DIDO1: variants seen among roughly 807,000 people sequenced by gnomAD.
DIDO1 encodes the protein death inducer-obliterator 1.
DIDO1 carries 16 observed loss-of-function variants against 99.4 expected under a neutral mutation model. That is an observed-to-expected ratio of 0.16 (90% confidence interval 0.11 to 0.24). The LOEUF is 0.24. Ranked by LOEUF, DIDO1 falls within the 10% of genes least tolerant of loss-of-function variation. The pLI is 1.00. For missense variants in DIDO1, 2,996 were observed against 3,014.0 expected, an observed-to-expected ratio of 0.99 and a Z score of 0.14; for synonymous variants, 1,366 against 1,239.1, an observed-to-expected ratio of 1.10 and a Z score of -2.15.
At chr20:62,905,640 G>C in intron 6 of DIDO1, 2 of 1,563,666 alleles carry the variant, frequency 1.3e-6, no homozygotes, top group Non-Finnish European at 1.7e-6. Context: ...CAATCATTAA[G>C]GTGAACGTTC....
In DIDO1 at chr20:62,894,494, C is replaced by T. The variant is rs145011514; in HGVS notation, c.2491G>A (p.Asp831Asn). The T allele has an allele frequency of 1.2e-5, 19 of 1,613,142 alleles. No homozygotes were observed. The highest frequency in any genetic ancestry group is 6.7e-5 in the African/African-American group (5 of 74,858). ...VPEKSTAPLL[D>N]VFSSMLKDTT... ...TCTTTCAACATGCTGCTGAAGACGT[C>T]GAGAAGCGGCGCTGTGCTCTTCTCA... The change falls in exon 11 of 16, where the codon GAC (aspartate) becomes AAC (asparagine). Residue 831 changes from aspartate to asparagine, a missense_variant. Coordinates refer to ENST00000395343, the MANE Select transcript of DIDO1 (RefSeq NM_001193369.2). This position sits in a 1 kb window ranked among gnomAD's most constrained non-coding sequence, Gnocchi z 4.4.
At chr20:62,901,130 G>A (rs538405061) in intron 6 of DIDO1, among the ~76,000 whole-genome samples, 2 of 152,322 alleles carry the variant, frequency 1.3e-5, no homozygotes, top group East Asian at 3.9e-4. Context: ...TCATGTTGCG[G>A]GGAAACAGTT....
intron 15 of DIDO1, chr20:62,887,622 G>C: frequency 1.0e-6 from 1 of 985,574 alleles, no homozygotes; most frequent in Non-Finnish European, 1.2e-6. Flanking sequence ...GCTTCACGCG[G>C]AAATGACGGG....
intron 14 of DIDO1, 59 bp from the exon 15 acceptor site, chr20:62,891,214 C>A: frequency 6.2e-7 from 1 of 1,606,128 alleles, no homozygotes; most frequent in Non-Finnish European, 8.5e-7. Flanking sequence ...ATCACACGCC[C>A]AATTCACATC....
At chr20:62,929,693 G>GTATATATATATATATATATACATATA (rs565069048), upstream of DIDO1, among the ~76,000 whole-genome samples, 1 of 97,968 alleles carries the variant, frequency 1.0e-5, no homozygotes, top group Non-Finnish European at 1.9e-5. Flanking sequence ...AAAAGAAAAA[G>GTATATATATATATATATATACATATA]TGTATATATA....
chr20:62,906,466 G>A (rs1234746684), intron 5 of DIDO1, among the ~76,000 whole-genome samples: 4 of 152,368 alleles, frequency 2.6e-5, no homozygotes, highest in South Asian at 4.1e-4. Context: ...TGAGCCAAAT[G>A]AGAGGAAAGG....
At chr20:62,888,636 A>G (rs3746766) in intron 15 of DIDO1, 355,553 of 985,414 alleles carry the variant, frequency 0.36, 67,394 homozygotes, top group African/African-American at 0.68. Flanking sequence ...CAGGGGAAAC[A>G]TGCCAGGACC....
chr20:62,931,983 C>CAAG (rs2065336437), intron 1 of DIDO1, among the ~76,000 whole-genome samples: 1 of 151,592 alleles, frequency 6.6e-6, no homozygotes, highest in Non-Finnish European at 1.5e-5. Flanking sequence ...GAGGAAATAC[C>CAAG]AACAACAACA....
chr20:62,896,353 T>G lies in DIDO1; in HGVS notation c.2094A>C (p.Glu698Asp). The G allele has an allele frequency of 6.2e-7, 1 of 1,614,166 alleles. No homozygotes were observed. The highest frequency in any genetic ancestry group is 8.5e-7 in the Non-Finnish European group (1 of 1,180,028). ...DSDDLIMTENEVGKIALHIEK... is the reference protein window; with the variant it reads ...DSDDLIMTENDVGKIALHIEK... The stretch of plus-strand genomic sequence containing the variant: ...CAATATGGAGGGCAATTTTTCCTAC[T>G]TCGTTTTCTGTCATGATTAAGTCAT... The change falls in exon 8 of 16, where the codon GAA becomes GAC. Residue 698 changes from glutamate (E) to aspartate (D), a missense_variant. By Grantham distance (45) the Glu-to-Asp change is conservative. This residue lies in a region of DIDO1 where 898 missense variants were observed against 972.7 expected (regional missense o/e 0.92). Coordinates refer to ENST00000395343, the MANE Select transcript of DIDO1 (RefSeq NM_001193369.2). The surrounding 1 kb of genome is among the most constrained non-coding windows in gnomAD (Gnocchi z 4.4).
Position 62,892,789 on chromosome 20 carries a change from C to A in DIDO1, c.3255+20G>T, listed in dbSNP as rs376588266. The A allele has an allele frequency of 2.5e-6, 4 of 1,601,414 alleles. No individual in the cohort carries two copies. Among genetic ancestry groups the A allele is most frequent in the Non-Finnish European group, 2.6e-6 (3 of 1,170,826 alleles). On this transcript the variant is annotated intron_variant, in intron 13 of 15. Coordinates refer to ENST00000395343, the MANE Select transcript of DIDO1 (RefSeq NM_001193369.2). ...CCTATGAAAGACACACACACGCACA[C>A]ACATTTTCTTGGTTCTAACCTCACT...
intron 1 of DIDO1, among the ~76,000 whole-genome samples, chr20:62,916,239 A>T (rs1252673640): frequency 2.6e-5 from 4 of 152,240 alleles, no homozygotes; most frequent in African/African-American, 9.6e-5. Flanking sequence ...AAATGTGGGT[A>T]TCCTTGAAGC....
intron 15 of DIDO1, 141 bp from the exon 16 acceptor site, chr20:62,882,555 C>CA (rs1009376146): frequency 1.0e-5 from 9 of 875,542 alleles, no homozygotes; most frequent in Non-Finnish European, 1.5e-5. Context: ...GATCAAGTGT[C>CA]AAGACAGTTG....
intron 1 of DIDO1, among the ~76,000 whole-genome samples, chr20:62,919,278 T>C (rs6089813): frequency 0.23 from 34,872 of 152,138 alleles, 4,278 homozygotes; most frequent in East Asian, 0.34. Context: ...CCGGGTGCGG[T>C]GGCTCATGCC....
In DIDO1 at chr20:62,894,162, G is replaced by A; in HGVS notation, c.2605C>T (p.Pro869Ser). The A allele has an allele frequency of 3.7e-6, 6 of 1,613,818 alleles. No individual in the cohort carries two copies. In the South Asian group the frequency reaches 4.4e-5, roughly 12 times the overall value. The change falls in exon 12 of 16, where the codon CCG becomes TCG. Residue 869 changes from proline (P) to serine (S), a missense_variant. Physicochemically the swap from Pro to Ser is moderately conservative, Grantham distance 74. Transcript: ENST00000395343. This position sits in a 1 kb window ranked among gnomAD's most constrained non-coding sequence, Gnocchi z 4.4. ...QVPSAEDEPA[P>S]KKQKLSASVK... The stretch of plus-strand genomic sequence containing the variant: ...GAAGCTGACAATTTTTGTTTTTTCG[G>A]AGCTGGCTCATCTTCTGCGGAGGGA...
At chr20:62,889,237 C>T (rs2064350445) in intron 15 of DIDO1, 3 of 985,474 alleles carry the variant, frequency 3.0e-6, no homozygotes, top group Admixed American at 6.1e-5. Flanking sequence ...CCCGGGGCTG[C>T]ACCTGCACAG....
At chr20:62,890,138 C>G (rs1393763028) in intron 15 of DIDO1, 7 of 985,856 alleles carry the variant, frequency 7.1e-6, no homozygotes, top group Non-Finnish European at 1.2e-6. Context: ...GTCCAGACAG[C>G]ACCTGCCTTT....
intron 6 of DIDO1, among the ~76,000 whole-genome samples, chr20:62,897,504 A>T (rs1389302112): frequency 2.0e-5 from 3 of 152,196 alleles, no homozygotes; most frequent in East Asian, 3.8e-4. Context: ...ATTGGAGGCG[A>T]TGCCATTAAT....
intron 1 of DIDO1, among the ~76,000 whole-genome samples, chr20:62,915,278 G>T (rs1235895725): frequency 6.6e-6 from 1 of 152,138 alleles, no homozygotes; most frequent in East Asian, 1.9e-4. Context: ...CCCAGGCAAC[G>T]TGTCACCATG....
At position 62,878,328 on chromosome 20, in the gene DIDO1, C is replaced by A. The variant is rs1422049727; in HGVS notation, c.*905G>T. On this transcript the variant is annotated 3_prime_UTR_variant, in exon 16 of 16. Coordinates refer to ENST00000395343, the MANE Select transcript of DIDO1 (RefSeq NM_001193369.2). ...GTTCTTGAGCTAGTGATCACTAGTT[C>A]CCGTCTCAGACTTTACACAAGTCTT... 6.6e-6 allele frequency: 1 copy of A among 152,184 alleles called. No homozygotes were observed. Among genetic ancestry groups the A allele is most frequent in the Non-Finnish European group, 1.5e-5 (1 of 68,046 alleles). 9.4% of individuals were successfully genotyped at this position (152,184 alleles called of 1,614,324 possible). A position where few individuals can be genotyped will look rare whatever the true frequency, so the allele number is the denominator to read the frequency against.
Sources: allele counts gnomAD v4.1 joint callset (sites outside exome capture counted in the v4.1 genomes callset), GRCh38; gene constraint gnomAD v4.1.1; regional missense constraint gnomAD v4.1.1; non-coding constraint Gnocchi (gnomAD v3.1); transcripts MANE v1.5; gene names NCBI Gene and HGNC (gene_info 2026-07-23, HGNC 2026-07-21).